Variants in UBAC2 observed in about 807,000 individuals in gnomAD.
UBAC2 encodes the protein UBA domain containing 2.
In UBAC2, 26 loss-of-function variants were observed where a neutral mutation model predicts 44.0. The observed-to-expected ratio is 0.59, with a 90% CI of 0.43 to 0.82. The LOEUF (loss-of-function observed/expected upper bound fraction) is 0.82. Among genes scored for constraint, UBAC2 ranks in the 40% least tolerant of loss-of-function variants. The pLI is 0.00. For synonymous variants in UBAC2, 155 were observed against 154.3 expected, an observed-to-expected ratio of 1.00 and a Z score of -0.04; for missense variants, 329 against 419.4, an observed-to-expected ratio of 0.78 and a Z score of 1.88.
chr13:99,286,759 T>G (rs2044023903), intron 4 of UBAC2, among the ~76,000 whole-genome samples: 1 of 152,156 alleles, frequency 6.6e-6, no homozygotes, highest in Non-Finnish European at 1.5e-5. Context: ...CATGCAGAAT[T>G]TAGTTTGCTG....
At chr13:99,203,729 C>G (rs1000737570) in intron 1 of UBAC2, among the ~76,000 whole-genome samples, 1 of 151,840 alleles carries the variant, frequency 6.6e-6, no homozygotes, top group Non-Finnish European at 1.5e-5. Flanking sequence ...CTGCAAAGAC[C>G]GAAGTTATGG....
intron 4 of UBAC2, among the ~76,000 whole-genome samples, chr13:99,301,660 G>A (rs917980055): frequency 1.3e-5 from 2 of 151,860 alleles, no homozygotes; most frequent in African/African-American, 2.4e-5. Context: ...AAAATAAAAG[G>A]CCCCCCAAAA....
intron 4 of UBAC2, among the ~76,000 whole-genome samples, chr13:99,252,559 A>G (rs1258688081): frequency 6.6e-6 from 1 of 152,342 alleles, no homozygotes; most frequent in Non-Finnish European, 1.5e-5. Flanking sequence ...GAAAGTAGAA[A>G]TAACTCCATT....
At position 99,347,326 on chromosome 13, in the gene UBAC2, C is replaced by G. The variant is rs1036158844; in HGVS notation, c.807+6761C>G. On this transcript the variant is annotated intron_variant, in intron 7 of 8. Transcript: ENST00000403766. ...ACGTTACTATCCCCGGGCGCCCCCC[C>G]CCCCCCCCAGGAAAAAAAAGGCAAG... Among the ~76,000 whole-genome samples, 7 of 79,608 alleles carry G rather than the reference C, an allele frequency of 8.8e-5. 1 individual carries two copies. The highest frequency in any genetic ancestry group is 1.9e-4 in the Non-Finnish European group (5 of 26,256). 52.2% of individuals were successfully genotyped at this position (79,608 alleles called of 152,430 possible).
chr13:99,355,036 C>T (rs2045156325), intron 7 of UBAC2, among the ~76,000 whole-genome samples: 1 of 152,146 alleles, frequency 6.6e-6, no homozygotes, highest in South Asian at 2.1e-4. Context: ...GAATGAGACT[C>T]AGGTGGTCAC....
intron 4 of UBAC2, among the ~76,000 whole-genome samples, chr13:99,282,081 G>A (rs1417085036): frequency 1.5e-4 from 23 of 152,186 alleles, no homozygotes; most frequent in African/African-American, 4.3e-4. Flanking sequence ...AACCCTTTGC[G>A]GTGGGGGCGG....
chr13:99,257,308 A>C (rs565962966), intron 4 of UBAC2, among the ~76,000 whole-genome samples: 2 of 152,326 alleles, frequency 1.3e-5, no homozygotes, highest in South Asian at 2.1e-4. Flanking sequence ...TTGGAGGCTT[A>C]AATCTTATTT....
At chr13:99,296,580 T>G (rs2044177424) in intron 4 of UBAC2, among the ~76,000 whole-genome samples, 1 of 152,222 alleles carries the variant, frequency 6.6e-6, no homozygotes, top group African/African-American at 2.4e-5. Context: ...CTTTTAAATT[T>G]AATTTCAGTT....
At chr13:99,216,503 T>C (rs1471414127) in intron 1 of UBAC2, among the ~76,000 whole-genome samples, 1 of 152,226 alleles carries the variant, frequency 6.6e-6, no homozygotes, top group Non-Finnish European at 1.5e-5. Context: ...AATATTTATG[T>C]AAATCATAGG....
intron 6 of UBAC2, among the ~76,000 whole-genome samples, chr13:99,328,987 C>A (rs2044677577): frequency 6.6e-6 from 1 of 152,156 alleles, no homozygotes; most frequent in East Asian, 1.9e-4. Flanking sequence ...GAGTATAATT[C>A]TTTTGAGGTA....
At chr13:99,320,876 T>C (rs2044558937) in intron 6 of UBAC2, among the ~76,000 whole-genome samples, 1 of 152,264 alleles carries the variant, frequency 6.6e-6, no homozygotes, top group African/African-American at 2.4e-5. Context: ...TGTCTCTTGC[T>C]CAACATGACT....
At chr13:99,234,837 A>G (rs561002651) in intron 1 of UBAC2, among the ~76,000 whole-genome samples, 1 of 152,314 alleles carries the variant, frequency 6.6e-6, no homozygotes, top group East Asian at 1.9e-4. Flanking sequence ...TTTTGATTAA[A>G]TGACATACTT....
intron 4 of UBAC2, among the ~76,000 whole-genome samples, chr13:99,260,864 T>A (rs2043650365): frequency 6.6e-6 from 1 of 152,234 alleles, no homozygotes; most frequent in Non-Finnish European, 1.5e-5. Context: ...AGATTCCCTT[T>A]GCTTTATCAA....
intron 5 of UBAC2, among the ~76,000 whole-genome samples, chr13:99,317,753 T>A (rs2044512124): frequency 6.6e-6 from 1 of 152,150 alleles, no homozygotes; most frequent in Admixed American, 6.5e-5. Flanking sequence ...CATACTTGGG[T>A]TTCATTTATT....
chr13:99,201,508 G>T, intron 1 of UBAC2: 1 of 1,614,200 alleles, frequency 6.2e-7, no homozygotes, highest in Non-Finnish European at 8.5e-7. Context: ...TCGTGGCGAG[G>T]GAGCGCAGCT....
chr13:99,212,332 G>C (rs1257661172), intron 1 of UBAC2, among the ~76,000 whole-genome samples: 1 of 152,194 alleles, frequency 6.6e-6, no homozygotes, highest in African/African-American at 2.4e-5. Flanking sequence ...TAAATTATGA[G>C]TGTAAATGAG....
At chr13:99,220,083 A>G (rs1174773461) in intron 1 of UBAC2, among the ~76,000 whole-genome samples, 1 of 152,228 alleles carries the variant, frequency 6.6e-6, no homozygotes, top group East Asian at 1.9e-4. Flanking sequence ...TCAGAGTGGA[A>G]TTGCTAGGTC....
chr13:99,309,391 GAGCCACCGTGCCC>G (rs1241969596), intron 4 of UBAC2, among the ~76,000 whole-genome samples: 1 of 152,104 alleles, frequency 6.6e-6, no homozygotes, highest in East Asian at 1.9e-4. Flanking sequence ...TTACAGGTGT[GAGCCACCGTGCCC>G]AGCCCCTTTT....
intron 5 of UBAC2, among the ~76,000 whole-genome samples, chr13:99,317,811 C>T (rs2044512990): frequency 6.6e-6 from 1 of 152,018 alleles, no homozygotes; most frequent in Non-Finnish European, 1.5e-5. Context: ...TTAGGCTATA[C>T]AAAGTCTGAT....
Sources: gnomAD v4.1 joint callset for allele counts (sites outside exome capture counted in the v4.1 genomes callset) on GRCh38, gnomAD v4.1.1 for gene constraint, MANE v1.5 for transcripts, NCBI Gene and HGNC (gene_info 2026-07-23, HGNC 2026-07-21) for gene names.